The following PDE1C variants were observed in gnomAD, a reference collection of about 807,000 sequenced individuals.
PDE1C encodes phosphodiesterase 1C.
A neutral mutation model predicts 93.1 loss-of-function variants in PDE1C; 62 were observed. That is an observed-to-expected ratio of 0.67 (90% confidence interval 0.54 to 0.82). The LOEUF is 0.82. Among genes scored for constraint, PDE1C ranks in the 40% least tolerant of loss-of-function variants. The pLI, the probability that PDE1C is intolerant of heterozygous loss-of-function variation, is 0.00. For missense variants in PDE1C, 742 were observed against 884.6 expected, an observed-to-expected ratio of 0.84 and a Z score of 2.04; for synonymous variants, 325 against 310.1, an observed-to-expected ratio of 1.05 and a Z score of -0.50.
intron 1 of PDE1C, among the ~76,000 whole-genome samples, chr7:32,317,495 C>T (rs769056967): frequency 3.3e-5 from 5 of 152,116 alleles, no homozygotes; most frequent in Non-Finnish European, 5.9e-5. Context: ...GGCCTTTCTA[C>T]CCACTCCCCT....
chr7:31,667,341 G>A, the PDE1C span, among the ~76,000 whole-genome samples: 1 of 152,126 alleles, frequency 6.6e-6, no homozygotes, highest in East Asian at 1.9e-4. Flanking sequence ...GACTATCAAA[G>A]GTAGAGTCAT....
chr7:32,365,484 T>A (rs1784212331), intron 1 of PDE1C, among the ~76,000 whole-genome samples: 2 of 152,178 alleles, frequency 1.3e-5, no homozygotes, highest in African/African-American at 4.8e-5. Context: ...GGATTGTCCC[T>A]GGCAGACACA....
At chr7:31,678,494 T>G in the PDE1C span, among the ~76,000 whole-genome samples, 1 of 152,146 alleles carries the variant, frequency 6.6e-6, no homozygotes, top group Non-Finnish European at 1.5e-5. Flanking sequence ...GGGAGTAAAC[T>G]TTTAAACTGA....
At chr7:31,779,695 C>T (rs549218617) in intron 16 of PDE1C, among the ~76,000 whole-genome samples, 2 of 152,230 alleles carry the variant, frequency 1.3e-5, no homozygotes, top group South Asian at 2.1e-4. Flanking sequence ...GATTTTGCCA[C>T]GGGCCATTGG....
intron 1 of PDE1C, among the ~76,000 whole-genome samples, chr7:32,062,895 C>T (rs1489383132): frequency 2.6e-5 from 4 of 152,102 alleles, no homozygotes; most frequent in Non-Finnish European, 4.4e-5. Flanking sequence ...AAACTCATTA[C>T]CTAAAATGAT....
chr7:32,169,857 G>C (rs1487628572), exon 3 of PDE1C: 2 of 1,612,364 alleles, frequency 1.2e-6, no homozygotes, highest in African/African-American at 1.3e-5. Context: ...CTCCTCTGGG[G>C]GTCGAGGGTC....
intron 2 of PDE1C, among the ~76,000 whole-genome samples, chr7:32,190,285 A>G (rs545282241): frequency 8.5e-4 from 129 of 152,296 alleles, no homozygotes; most frequent in African/African-American, 3.1e-3. Flanking sequence ...GGACTTGCAC[A>G]TTTCACAGCC....
rs147278099 is a variant in PDE1C at position 31,969,984 on chromosome 7, G to A, written c.128+81570C>T. On this transcript the variant is annotated intron_variant, in intron 2 of 17. Coordinates refer to ENST00000396191, the MANE Select transcript of PDE1C (RefSeq NM_001191057.4). ...AGGAAGGGGAACATCAGATTCTGGG[G>A]ACTGTTGTGGGGTTGGGGGAGTGGG... Among the ~76,000 whole-genome samples the A allele has an allele frequency of 8.4e-3, 1,272 of 152,130 alleles. 10 individuals carry two copies. Among genetic ancestry groups the A allele is most frequent in the African/African-American group, 0.029 (1,204 of 41,490 alleles).
At chr7:31,684,403 C>T in the PDE1C span, among the ~76,000 whole-genome samples, 1 of 152,156 alleles carries the variant, frequency 6.6e-6, no homozygotes, top group Non-Finnish European at 1.5e-5. Flanking sequence ...TTTTAAAATT[C>T]ATTAATGATG....
At chr7:31,784,350 T>C (rs1783696415) in intron 16 of PDE1C, 1 of 152,218 alleles carries the variant, frequency 6.6e-6, no homozygotes, top group African/African-American at 2.4e-5. Flanking sequence ...TATTCACCTC[T>C]AGGTGACTCA....
chr7:31,687,648 C>T, the PDE1C span, among the ~76,000 whole-genome samples: 3 of 152,130 alleles, frequency 2.0e-5, no homozygotes, highest in Non-Finnish European at 2.9e-5. Flanking sequence ...TTCTCCATGC[C>T]CTACTTTAAG....
At chr7:31,698,975 T>C in the PDE1C span, among the ~76,000 whole-genome samples, 1 of 152,178 alleles carries the variant, frequency 6.6e-6, no homozygotes, top group Non-Finnish European at 1.5e-5. Flanking sequence ...GAGTGCCTAC[T>C]ATGTGCCAGG....
chr7:31,631,439 G>T, the PDE1C span, among the ~76,000 whole-genome samples: 1 of 152,100 alleles, frequency 6.6e-6, no homozygotes. Context: ...TACATAGAAA[G>T]ATTTTAGTCA....
intron 12 of PDE1C, among the ~76,000 whole-genome samples, chr7:31,826,870 C>T (rs1011345547): frequency 1.3e-5 from 2 of 152,182 alleles, no homozygotes; most frequent in African/African-American, 4.8e-5. Context: ...TTAGACTTTG[C>T]AGGCCATATC....
rs150149447 is a variant in PDE1C at position 31,862,899 on chromosome 7, T to A, written c.750+2043A>T. The stretch of plus-strand genomic sequence containing the variant: ...CTCAGCTTCAGTATGTATTGTAATA[T>A]CTAAGAGAGTAAGAACTATTCCCTA... On this transcript the variant is annotated intron_variant, in intron 7 of 17. Coordinates refer to ENST00000396191, the MANE Select transcript of PDE1C (RefSeq NM_001191057.4). Among the ~76,000 whole-genome samples, 196 of 152,316 alleles carry A rather than the reference T, an allele frequency of 1.3e-3. 5 individuals carry two copies. Among genetic ancestry groups the A allele is most frequent in the African/African-American group, 4.5e-3 (189 of 41,572 alleles).
At chr7:32,077,953 AG>A (rs1187598745) in intron 3 of PDE1C, 2 of 985,326 alleles carry the variant, frequency 2.0e-6, no homozygotes, top group East Asian at 2.3e-4. Flanking sequence ...AGCTAGTGGC[AG>A]GGCAGCAAGA....
At chr7:31,914,385 T>C (rs1161579282) in intron 2 of PDE1C, among the ~76,000 whole-genome samples, 2 of 152,220 alleles carry the variant, frequency 1.3e-5, no homozygotes. Context: ...ACTTAGTGAT[T>C]CTACATCCAA....
rs180843576 is a variant in PDE1C, at chr7:31,836,020, T to C, written c.1203+1160A>G. Among the ~76,000 whole-genome samples, 42 of 152,358 alleles carry C rather than the reference T, an allele frequency of 2.8e-4. 1 individual carries two copies. In the East Asian group the frequency reaches 8.1e-3, roughly 29 times the overall value. On this transcript the variant is annotated intron_variant, in intron 11 of 17. Coordinates refer to ENST00000396191, the MANE Select transcript of PDE1C (RefSeq NM_001191057.4). ...ACTTGTGTTATTAAGCAGTGTTTTA[T>C]GGAATCAGAAGTCTCTGAATCCATG...
chr7:32,051,911 G>A (rs1038770591), intron 1 of PDE1C, among the ~76,000 whole-genome samples: 2 of 152,154 alleles, frequency 1.3e-5, no homozygotes, highest in Non-Finnish European at 2.9e-5. Context: ...TCAAACCTCA[G>A]TCCTTCCTTT....
Sources: gnomAD v4.1 joint callset for allele counts (sites outside exome capture counted in the v4.1 genomes callset) on GRCh38, gnomAD v4.1.1 for gene constraint, MANE v1.5 for transcripts, NCBI Gene and HGNC (gene_info 2026-07-23, HGNC 2026-07-21) for gene names.